PREX1: variants seen among roughly 807,000 people sequenced by gnomAD.
PREX1 encodes phosphatidylinositol 3,4,5-trisphosphate-dependent Rac exchanger 1 protein.
PREX1 carries 41 observed loss-of-function variants against 198.3 expected under a neutral mutation model. The observed-to-expected ratio is 0.21, with a 90% confidence interval of 0.16 to 0.27. The LOEUF (loss-of-function observed/expected upper bound fraction) is 0.27, where lower values mean the gene tolerates loss of function less well. Among genes scored for constraint, PREX1 ranks in the 10% least tolerant of loss-of-function variants. PREX1 has a pLI of 1.00. For synonymous variants in PREX1, 843 were observed against 887.2 expected (o/e 0.95, Z 0.89); for missense variants, 1,620 against 2,200.7 (o/e 0.74, Z 5.28).
chr20:48,765,527 TGCTTACTGC>T (rs1451227821), intron 1 of PREX1, among the ~76,000 whole-genome samples: 1 of 152,120 alleles, frequency 6.6e-6, no homozygotes, highest in Non-Finnish European at 1.5e-5. Flanking sequence ...ACATATTAAG[TGCTTACTGC>T]ATGCCAATGC....
In PREX1 at chr20:48,642,291, C is replaced by T. The variant is rs780077248; in HGVS notation, c.3685-33G>A. The T allele has an allele frequency of 1.1e-5, 17 of 1,609,824 alleles. No individual in the cohort carries two copies. The South Asian group carries it at 1.9e-4, about 18-fold the overall frequency. Reference sequence around the variant, plus strand: ...GCAAGAAGCCTGGGGTTGGTTTGGGCCCCGTGGCCCTACACACTGCAGACA... The same window carrying T: ...GCAAGAAGCCTGGGGTTGGTTTGGGTCCCGTGGCCCTACACACTGCAGACA... On this transcript the variant is annotated intron_variant, in intron 28 of 39. Coordinates refer to ENST00000371941, the MANE Select transcript of PREX1 (RefSeq NM_020820.4).
At chr20:48,674,787 C>T (rs992705844) in intron 14 of PREX1, among the ~76,000 whole-genome samples, 4 of 152,200 alleles carry the variant, frequency 2.6e-5, no homozygotes, top group Non-Finnish European at 5.9e-5. Flanking sequence ...CTGTATGTGG[C>T]ACCTGAATGG....
At chr20:48,698,147 C>G (rs1394723826) in intron 7 of PREX1, among the ~76,000 whole-genome samples, 3 of 152,212 alleles carry the variant, frequency 2.0e-5, no homozygotes, top group Non-Finnish European at 4.4e-5. Flanking sequence ...GCAGCCAGCC[C>G]AGCTCACTTG....
At position 48,676,229 on chromosome 20, in the gene PREX1, A is replaced by T; in HGVS notation, c.1629T>A (p.Leu543=). 6.2e-7 allele frequency: 1 copy of T among 1,614,032 alleles called. No individual in the cohort carries two copies. ...GCCAGTCCACCAGCTTGCTCCCGGG[A>T]AGCACTGACTTGTAGGTCTTCAGGT... ...DYHLKTYKSV[L]PGSKLVDWLL... Residue 543 remains leucine (L), a synonymous_variant, in exon 14 of 40, where the codon CTT becomes CTA. Transcript: ENST00000371941.
At chr20:48,744,572 C>T (rs562158210) in intron 3 of PREX1, among the ~76,000 whole-genome samples, 22 of 152,314 alleles carry the variant, frequency 1.4e-4, no homozygotes, top group Admixed American at 1.3e-3. Context: ...TTGCAACAAG[C>T]GTCAGCCTCT....
chr20:48,813,927 A>G (rs372993725), intron 1 of PREX1, among the ~76,000 whole-genome samples: 2 of 152,356 alleles, frequency 1.3e-5, no homozygotes, highest in African/African-American at 4.8e-5. Flanking sequence ...CACTGTATTT[A>G]CTACCTTTGT....
At chr20:48,671,319 C>A (rs1467638009) in intron 14 of PREX1, among the ~76,000 whole-genome samples, 1 of 152,204 alleles carries the variant, frequency 6.6e-6, no homozygotes, top group African/African-American at 2.4e-5. Context: ...GATGTGATGT[C>A]TGGAGCCATG....
At chr20:48,793,373 T>C (rs2090346963) in intron 1 of PREX1, among the ~76,000 whole-genome samples, 1 of 152,202 alleles carries the variant, frequency 6.6e-6, no homozygotes, top group East Asian at 1.9e-4. Flanking sequence ...CTTCTGAATA[T>C]ACCAAAAGCC....
At chr20:48,713,103 T>C (rs1436231968) in intron 5 of PREX1, among the ~76,000 whole-genome samples, 1 of 150,766 alleles carries the variant, frequency 6.6e-6, no homozygotes, top group Non-Finnish European at 1.5e-5. Context: ...ATTGCGCCAC[T>C]GCACTCCAGC....
Position 48,692,795 on chromosome 20 carries a change from TAGAC to T in PREX1, c.918-9_918-6del. 1.9e-6 allele frequency: 3 copies of T among 1,611,980 alleles called. No homozygotes were observed. Among genetic ancestry groups the T allele is most frequent in the East Asian group, 2.2e-5 (1 of 44,860 alleles). On this transcript the variant is annotated splice_region_variant and splice_polypyrimidine_tract_variant and intron_variant, in intron 7 of 39. Transcript: ENST00000371941. ...GACTTCTTGCTCCCGGTGACCCTGA[TAGAC>T]AGTGAGAAGTCAGTGTCCCCTACAC...
rs538278554 is a variant in PREX1, at chr20:48,776,361, G to A, written c.220-28481C>T. Among the ~76,000 whole-genome samples, 413 of 152,302 alleles carry A rather than the reference G, an allele frequency of 2.7e-3. 1 individual carries two copies. The highest frequency in any genetic ancestry group is 9.3e-3 in the African/African-American group (386 of 41,556). On this transcript the variant is annotated intron_variant, in intron 1 of 39. Coordinates refer to ENST00000371941, the MANE Select transcript of PREX1 (RefSeq NM_020820.4). ...TGGACCCCGCCCCCCTCAGACAGCC[G>A]AGACAGGCGCTCTGAGAGCCAAGAT...
At chr20:48,661,444 AATATATATATAT>A (rs1159107194) in intron 15 of PREX1, among the ~76,000 whole-genome samples, 1 of 49,594 alleles carries the variant, frequency 2.0e-5, no homozygotes. Flanking sequence ...AAAAAAAAAA[AATATATATATAT>A]ATATATATAT....
At chr20:48,760,188 G>A (rs916688682) in intron 1 of PREX1, among the ~76,000 whole-genome samples, 3 of 151,948 alleles carry the variant, frequency 2.0e-5, no homozygotes, top group African/African-American at 7.3e-5. Flanking sequence ...CCAAGCCCTG[G>A]TGCAGGTAGA....
chr20:48,862,269 G>A, the PREX1 span, among the ~76,000 whole-genome samples: 2 of 152,102 alleles, frequency 1.3e-5, no homozygotes, highest in African/African-American at 4.8e-5. Flanking sequence ...TTATTAAAAC[G>A]ATTCTTCATG....
intron 32 of PREX1, among the ~76,000 whole-genome samples, 171 bp from the exon 33 acceptor site, chr20:48,634,946 G>T (rs1358351788): frequency 2.6e-5 from 4 of 152,156 alleles, no homozygotes; most frequent in Non-Finnish European, 4.4e-5. Context: ...GTGCTCTGTG[G>T]CTTGTCCTGC....
In PREX1 at chr20:48,642,165, C is replaced by T; in HGVS notation, c.3775+3G>A. The T allele has an allele frequency of 6.2e-7, 1 of 1,613,966 alleles. No homozygotes were observed. Among genetic ancestry groups the T allele is most frequent in the Non-Finnish European group, 8.5e-7 (1 of 1,179,816 alleles). ...TGTCACCTTGGACTGGCTATCCCCTCACCTTGTAAGCTGTGGTTCATAGGG... is the reference window on the plus strand; with the variant it reads ...TGTCACCTTGGACTGGCTATCCCCTTACCTTGTAAGCTGTGGTTCATAGGG... On this transcript the variant is annotated splice_donor_region_variant and intron_variant, in intron 29 of 39. Coordinates refer to ENST00000371941, the MANE Select transcript of PREX1 (RefSeq NM_020820.4).
intron 1 of PREX1, among the ~76,000 whole-genome samples, chr20:48,811,581 CA>C: frequency 6.6e-6 from 1 of 151,894 alleles, no homozygotes; most frequent in South Asian, 2.1e-4. Flanking sequence ...GATACACACA[CA>C]CACGTGTGCA....
chr20:48,749,308 C>A (rs1188907436), intron 1 of PREX1, among the ~76,000 whole-genome samples: 1 of 152,164 alleles, frequency 6.6e-6, no homozygotes, highest in East Asian at 1.9e-4. Context: ...CTATCAGTCA[C>A]CTGCCCTGCC....
intron 1 of PREX1, among the ~76,000 whole-genome samples, chr20:48,789,846 T>C (rs1356786498): frequency 6.6e-6 from 1 of 151,422 alleles, no homozygotes; most frequent in Non-Finnish European, 1.5e-5. Context: ...GACAAATGGA[T>C]GGACAGATGG....
Sources: gnomAD v4.1 joint callset for allele counts (sites outside exome capture counted in the v4.1 genomes callset) on GRCh38, gnomAD v4.1.1 for gene constraint, MANE v1.5 for transcripts, NCBI Gene and HGNC (gene_info 2026-07-23, HGNC 2026-07-21) for gene names.